The following PNPLA3 variants were observed in gnomAD, a reference collection of about 807,000 sequenced individuals.
The protein encoded by PNPLA3 is patatin like domain 3, 1-acylglycerol-3-phosphate O-acyltransferase, also known as 1-acylglycerol-3-phosphate O-acyltransferase PNPLA3.
In PNPLA3, 42 loss-of-function variants were observed where a neutral mutation model predicts 43.1. The ratio of observed to expected loss-of-function variants is 0.97; its 90% CI spans 0.76 to 1.26. The LOEUF (loss-of-function observed/expected upper bound fraction) is 1.26. Ranked by LOEUF, PNPLA3 falls within the 50% of genes most tolerant of loss-of-function variation. PNPLA3 has a pLI of 0.00. For missense variants in PNPLA3, 647 were observed against 621.4 expected (o/e 1.04, Z -0.44); for synonymous variants, 272 against 253.6 (o/e 1.07, Z -0.69).
intron 1 of PNPLA3, among the ~76,000 whole-genome samples, chr22:43,925,191 A>C (rs2049914085): frequency 6.6e-6 from 1 of 151,388 alleles, no homozygotes; most frequent in Non-Finnish European, 1.5e-5. Context: ...ACCTAGGCCC[A>C]CCCTCCCCTC....
intron 1 of PNPLA3, chr22:43,924,349 C>G (rs2049907513): frequency 2.1e-6 from 1 of 486,670 alleles, no homozygotes; most frequent in South Asian, 3.5e-5. Flanking sequence ...GTCCCCACCC[C>G]TACCCCCATC....
chr22:43,945,075 C>A (rs1227681812), intron 8 of PNPLA3, among the ~76,000 whole-genome samples: 5 of 152,164 alleles, frequency 3.3e-5, no homozygotes, highest in Non-Finnish European at 7.4e-5. Context: ...AGAGAGGCCC[C>A]AGATAAGCAG....
At chr22:43,937,877 C>G (rs1014760161) in intron 6 of PNPLA3, among the ~76,000 whole-genome samples, 4 of 152,168 alleles carry the variant, frequency 2.6e-5, no homozygotes, top group Non-Finnish European at 5.9e-5. Flanking sequence ...GTGTACCCCC[C>G]AGAATTTGTC....
chr22:43,939,165 A>C (rs986342656), intron 6 of PNPLA3, among the ~76,000 whole-genome samples: 16 of 152,052 alleles, frequency 1.1e-4, no homozygotes, highest in African/African-American at 3.9e-4. Flanking sequence ...ACCTCAAGTG[A>C]TCCAACAACT....
rs1488650305 is a variant in PNPLA3, at chr22:43,939,996, T to C, written c.983T>C (p.Leu328Pro). 2.5e-6 allele frequency: 4 copies of C among 1,614,148 alleles called. No homozygotes were observed. Among genetic ancestry groups the C allele is most frequent in the African/African-American group, 1.3e-5 (1 of 75,028 alleles). Residue 328 changes from leucine (L) to proline (P), a missense_variant, in exon 7 of 9, where the codon CTG becomes CCG. Leu to Pro is a moderately conservative substitution (Grantham distance 98). Transcript: ENST00000216180. ...AGCTCCAAATTGTCTTTTTCAGCAC[T>C]GAGTGAAGAAATGAAAGACAAAGGT... Reference protein sequence around the residue: ...DTLSPRLATALSEEMKDKGGY... With the variant: ...DTLSPRLATAPSEEMKDKGGY...
intron 1 of PNPLA3, 78 bp downstream of exon 1, chr22:43,924,176 G>T (rs2049905969): frequency 7.4e-7 from 1 of 1,354,868 alleles, no homozygotes; most frequent in African/African-American, 1.5e-5. Flanking sequence ...ATCCCCAGGG[G>T]TCGCGGGGCC....
Position 43,947,061 on chromosome 22 carries a change from T to TAA in PNPLA3, c.*691_*692dup, listed in dbSNP as rs397716964. 0.39 allele frequency: 68,936 copies of TAA among 178,296 alleles called. 13,319 individuals are homozygous for TAA. Among genetic ancestry groups the TAA allele is most frequent in the East Asian group, 0.7 (3,881 of 5,574 alleles). 11.0% of individuals were successfully genotyped at this position (178,296 alleles called of 1,614,324 possible). ...AGTGAGATGTTAGTAGAATAAGCCTTAAAAAAAAAAAAATCGGTTGGGTGC... is the reference window on the plus strand; with the variant it reads ...AGTGAGATGTTAGTAGAATAAGCCTTAAAAAAAAAAAAAAATCGGTTGGGTGC... On this transcript the variant is annotated 3_prime_UTR_variant, in exon 9 of 9. Coordinates refer to ENST00000216180, the MANE Select transcript of PNPLA3 (RefSeq NM_025225.3).
At chr22:43,927,606 A>G (rs1169510780) in intron 2 of PNPLA3, among the ~76,000 whole-genome samples, 2 of 146,998 alleles carry the variant, frequency 1.4e-5, no homozygotes, top group Non-Finnish European at 3.0e-5. Flanking sequence ...CCATGTTTGT[A>G]AACCCTGAAT....
chr22:43,937,240 T>C lies in PNPLA3; in HGVS notation c.947T>C (p.Ile316Thr). Residue 316 changes from isoleucine to threonine, a missense_variant, in exon 6 of 9, where the codon ATC becomes ACC. Physicochemically the swap from Ile to Thr is moderately conservative, Grantham distance 89. Coordinates refer to ENST00000216180, the MANE Select transcript of PNPLA3 (RefSeq NM_025225.3). ...AGCATCCTGCCCTGGGATGAGAGCA[T>C]CCTGGACACCCTCTCGCCCAGGCTC... ...RLSILPWDES[I>T]LDTLSPRLAT... is the part of the protein sequence containing the mutation. 1 of 1,614,072 alleles carries C rather than the reference T, an allele frequency of 6.2e-7. No individual in the cohort carries two copies. Among genetic ancestry groups the C allele is most frequent in the South Asian group, 1.1e-5 (1 of 91,080 alleles).
In PNPLA3 at chr22:43,925,288, T is replaced by C. The variant is rs118104362; in HGVS notation, c.187+1190T>C. 1.5e-3 allele frequency among the ~76,000 whole-genome samples: 226 copies of C among 152,188 alleles called. 5 individuals are homozygous for C. In the East Asian group the frequency reaches 0.036, roughly 24 times the overall value. On this transcript the variant is annotated intron_variant, in intron 1 of 8. Coordinates refer to ENST00000216180, the MANE Select transcript of PNPLA3 (RefSeq NM_025225.3). ...TTGTCCATGTGGGTACCTGTGTGTGTGTGGTGGGGGTGCAGACGGAGGGTT... is the reference window on the plus strand; with the variant it reads ...TTGTCCATGTGGGTACCTGTGTGTGCGTGGTGGGGGTGCAGACGGAGGGTT...
intron 8 of PNPLA3, 30 bp downstream of exon 8, chr22:43,944,825 C>G: frequency 6.4e-7 from 1 of 1,567,262 alleles, no homozygotes; most frequent in Non-Finnish European, 8.8e-7. Flanking sequence ...GTGTGTGGGC[C>G]GGACGGGCAC....
chr22:43,927,428 G>A (rs1335304910), intron 2 of PNPLA3, among the ~76,000 whole-genome samples: 1 of 151,236 alleles, frequency 6.6e-6, no homozygotes, highest in Middle Eastern at 3.2e-3. Context: ...GGAGGTGGAG[G>A]TTGCAGTAAG....
At chr22:43,932,163 T>C (rs1883350) in intron 3 of PNPLA3, among the ~76,000 whole-genome samples, 52,930 of 152,018 alleles carry the variant, frequency 0.35, 9,542 homozygotes, top group East Asian at 0.47. Context: ...TCTGTCCAAA[T>C]TGTAGCAAAA....
chr22:43,926,015 C>A (rs547711241), intron 1 of PNPLA3, among the ~76,000 whole-genome samples: 1 of 152,320 alleles, frequency 6.6e-6, no homozygotes, highest in African/African-American at 2.4e-5. Flanking sequence ...TGGCAGGAGC[C>A]ACTCCCTGGG....
chr22:43,923,878 T>C lies in PNPLA3; in HGVS notation c.-34T>C. 1 of 1,476,106 alleles carries C rather than the reference T, an allele frequency of 6.8e-7. No individual in the cohort carries two copies. Among genetic ancestry groups the C allele is most frequent in the Admixed American group, 2.3e-5 (1 of 44,242 alleles). 91.4% of individuals were successfully genotyped at this position (1,476,106 alleles called of 1,614,324 possible). On this transcript the variant is annotated 5_prime_UTR_variant, in exon 1 of 9. Coordinates refer to ENST00000216180, the MANE Select transcript of PNPLA3 (RefSeq NM_025225.3). ...AGCCGATTCCCGATCCCGACCCAGA[T>C]CCTAACCCGCGCCCCCGCCCCGCCG...
intron 7 of PNPLA3, among the ~76,000 whole-genome samples, chr22:43,943,990 GT>G: frequency 6.6e-6 from 1 of 152,070 alleles, no homozygotes; most frequent in Non-Finnish European, 1.5e-5. Context: ...GGTTTGGCAT[GT>G]TGGCCAGCCT....
chr22:43,941,751 C>T (rs1479497653), intron 7 of PNPLA3, among the ~76,000 whole-genome samples: 5 of 151,870 alleles, frequency 3.3e-5, no homozygotes, highest in Admixed American at 2.6e-4. Flanking sequence ...ATAGGAAAAC[C>T]GACCTCAGTG....
rs1249965509 is a variant in PNPLA3 at position 43,929,605 on chromosome 22, T to C, written c.486+716T>C. On this transcript the variant is annotated intron_variant, in intron 3 of 8. Transcript: ENST00000216180. Reference sequence around the variant, plus strand: ...ATATATATTTTTTTCTTTTCTTTTTTTTTTTTTTTGAGATGGAGTCTGGCT... The same window carrying C: ...ATATATATTTTTTTCTTTTCTTTTTCTTTTTTTTTGAGATGGAGTCTGGCT... Among the ~76,000 whole-genome samples the C allele has an allele frequency of 6.1e-5, 9 of 148,176 alleles. No homozygotes were observed. The East Asian group carries it at 7.8e-4, about 13-fold the overall frequency.
intron 6 of PNPLA3, among the ~76,000 whole-genome samples, chr22:43,939,145 T>G (rs1174357687): frequency 6.6e-6 from 1 of 152,084 alleles, no homozygotes; most frequent in Non-Finnish European, 1.5e-5. Flanking sequence ...AGGCTGGTCT[T>G]GAACTCCTGA....
Sources: allele counts gnomAD v4.1 joint callset (sites outside exome capture counted in the v4.1 genomes callset), GRCh38; gene constraint gnomAD v4.1.1; transcripts MANE v1.5; gene names NCBI Gene and HGNC (gene_info 2026-07-23, HGNC 2026-07-21).